Variants in ADAMTS12 observed in about 807,000 individuals in gnomAD.
ADAMTS12 encodes ADAM metallopeptidase with thrombospondin type 1 motif 12.
ADAMTS12 carries 118 observed loss-of-function variants against 167.8 expected under a neutral mutation model. That is an observed-to-expected ratio of 0.70 (90% CI 0.61 to 0.82). The LOEUF (loss-of-function observed/expected upper bound fraction) is 0.82. Ranked by LOEUF, ADAMTS12 falls within the 40% of genes least tolerant of loss-of-function variation. The pLI is 0.00. For synonymous variants in ADAMTS12, 704 were observed against 716.9 expected (o/e 0.98, Z 0.29); for missense variants, 1,916 against 1,998.8 (o/e 0.96, Z 0.79).
chr5:33,579,968 T>C (rs999482649), intron 18 of ADAMTS12, among the ~76,000 whole-genome samples: 35 of 152,200 alleles, frequency 2.3e-4, no homozygotes, highest in African/African-American at 8.4e-4. Context: ...CTTGGTGAGG[T>C]AGGTGCAGGC....
chr5:33,883,043 T>G (rs1750508566), intron 1 of ADAMTS12, among the ~76,000 whole-genome samples: 1 of 152,200 alleles, frequency 6.6e-6, no homozygotes, highest in Non-Finnish European at 1.5e-5. Flanking sequence ...TCAACTCAAA[T>G]CCTTCCTCTT....
At position 33,809,013 on chromosome 5, in the gene ADAMTS12, TC is replaced by T. The variant is rs59724819; in HGVS notation, c.490-57466del. ...CCCACATTTATCCATTTCTTTGCTT[TC>T]CACATCCCGCTTCTCTCCTATGGAT... On this transcript the variant is annotated intron_variant, in intron 2 of 23. Transcript: ENST00000504830. Among the ~76,000 whole-genome samples, 946 of 152,344 alleles carry T rather than the reference TC, an allele frequency of 6.2e-3. 10 individuals are homozygous for T. The highest frequency in any genetic ancestry group is 0.022 in the African/African-American group (902 of 41,566).
Position 33,763,521 on chromosome 5 carries a change from T to C in ADAMTS12, c.490-11973A>G, listed in dbSNP as rs547953230. Among the ~76,000 whole-genome samples, 6 of 152,356 alleles carry C rather than the reference T, an allele frequency of 3.9e-5. No individual in the cohort carries two copies. In the East Asian group the frequency reaches 1.2e-3, roughly 29 times the overall value. On this transcript the variant is annotated intron_variant, in intron 2 of 23. Coordinates refer to ENST00000504830, the MANE Select transcript of ADAMTS12 (RefSeq NM_030955.4). ...AAGAGAATAAATGTGTGTTGTTTTA[T>C]GTCACTTTGTGGTGATTTGTGAAAG... is the stretch of plus-strand genomic sequence containing the variant.
Position 33,781,684 on chromosome 5 carries a change from ACT to A in ADAMTS12, c.490-30138_490-30137del, listed in dbSNP as rs941488692. Among the ~76,000 whole-genome samples the A allele has an allele frequency of 3.4e-5, 5 of 149,168 alleles. No homozygotes were observed. The South Asian group carries it at 1.0e-3, about 31-fold the overall frequency. ...TGCATTCTTTCTTATCAACCTGTAA[ACT>A]CTTTTTTTTTTATTTTATTATTATT... On this transcript the variant is annotated intron_variant, in intron 2 of 23. Coordinates refer to ENST00000504830, the MANE Select transcript of ADAMTS12 (RefSeq NM_030955.4).
intron 4 of ADAMTS12, among the ~76,000 whole-genome samples, chr5:33,683,353 A>G (rs1243030004): frequency 2.0e-5 from 3 of 152,168 alleles, no homozygotes; most frequent in Non-Finnish European, 4.4e-5. Context: ...AACCCAGCCC[A>G]CAGTATTCTC....
chr5:33,836,991 T>C lies in ADAMTS12; in HGVS notation c.489+44128A>G, dbSNP rs575911785. Among the ~76,000 whole-genome samples the C allele has an allele frequency of 1.4e-4, 21 of 152,250 alleles. No individual in the cohort carries two copies. In the South Asian group the frequency reaches 4.1e-3, roughly 30 times the overall value. ...CCTGAACTCCTAGGCCCAAGCAATC[T>C]TCCTGCCTGGGCCTTCCAGATTGCT... On this transcript the variant is annotated intron_variant, in intron 2 of 23. Coordinates refer to ENST00000504830, the MANE Select transcript of ADAMTS12 (RefSeq NM_030955.4).
chr5:33,818,164 T>C (rs185519511), intron 2 of ADAMTS12, among the ~76,000 whole-genome samples: 228 of 152,114 alleles, frequency 1.5e-3, no homozygotes, highest in African/African-American at 4.7e-3. Flanking sequence ...CCTAATATTA[T>C]ATAATTTTAT....
intron 18 of ADAMTS12, among the ~76,000 whole-genome samples, chr5:33,577,882 T>A (rs564477969): frequency 3.5e-4 from 54 of 152,300 alleles, no homozygotes; most frequent in African/African-American, 1.3e-3. Context: ...CCCTCCACAT[T>A]CTGTATGCCA....
intron 2 of ADAMTS12, among the ~76,000 whole-genome samples, chr5:33,775,118 G>A (rs1216656132): frequency 6.6e-6 from 1 of 152,126 alleles, no homozygotes; most frequent in Non-Finnish European, 1.5e-5. Flanking sequence ...GGAACCACTG[G>A]AAGAGAAACA....
chr5:33,564,468 G>A (rs1459642267), intron 19 of ADAMTS12, among the ~76,000 whole-genome samples: 2 of 152,190 alleles, frequency 1.3e-5, no homozygotes, highest in Non-Finnish European at 2.9e-5. Flanking sequence ...TGTGAAATGA[G>A]GAGATATCAA....
intron 12 of ADAMTS12, among the ~76,000 whole-genome samples, chr5:33,636,477 A>T (rs550394945): frequency 7.3e-4 from 111 of 152,308 alleles, no homozygotes; most frequent in African/African-American, 2.6e-3. Context: ...TAGATCATAA[A>T]TGACACCAAA....
At chr5:33,623,709 G>A (rs1739440345) in intron 14 of ADAMTS12, among the ~76,000 whole-genome samples, 1 of 152,190 alleles carries the variant, frequency 6.6e-6, no homozygotes, top group African/African-American at 2.4e-5. Flanking sequence ...GGGAATAAAC[G>A]AGATTTGATG....
At chr5:33,620,534 T>C (rs998987350) in intron 14 of ADAMTS12, among the ~76,000 whole-genome samples, 1 of 152,262 alleles carries the variant, frequency 6.6e-6, no homozygotes, top group African/African-American at 2.4e-5. Context: ...ATTCTGGTAG[T>C]ACAGTATTAC....
Position 33,546,170 on chromosome 5 carries a change from C to T in ADAMTS12, c.4335G>A (p.Glu1445=), listed in dbSNP as rs1448365174. Residue 1445 remains glutamate (E), a synonymous_variant, in exon 22 of 24, where the codon GAG becomes GAA. Transcript: ENST00000504830. ...CSRSCGGGVQ[E]RGVFCPGGLC... is the part of the protein sequence containing the mutation. ...GGCCTCCTGGACAGAACACTCCTCTCTCCTGAACTCCACCTCCACAGGACC... is the reference window on the plus strand; with the variant it reads ...GGCCTCCTGGACAGAACACTCCTCTTTCCTGAACTCCACCTCCACAGGACC... 1.9e-6 allele frequency: 3 copies of T among 1,613,686 alleles called. No individual in the cohort carries two copies. Among genetic ancestry groups the T allele is most frequent in the African/African-American group, 1.3e-5 (1 of 74,892 alleles).
chr5:33,593,594 A>G (rs35496999), intron 17 of ADAMTS12, among the ~76,000 whole-genome samples: 26,339 of 152,076 alleles, frequency 0.17, 2,427 homozygotes, highest in South Asian at 0.27. Flanking sequence ...ACCAAATACC[A>G]TGTCATGTTC....
chr5:33,526,916 A>G lies in ADAMTS12; in HGVS notation c.*272T>C, dbSNP rs905075290. ...AATACAGTATTTCACAAATCTGTCT[A>G]ACCTGGCACCTTTCCCAGGAGCCGA... On this transcript the variant is annotated 3_prime_UTR_variant, in exon 24 of 24. Transcript: ENST00000504830. 1.2e-5 allele frequency: 5 copies of G among 427,338 alleles called. No homozygotes were observed. The South Asian group carries it at 2.0e-4, about 17-fold the overall frequency. 26.5% of individuals were successfully genotyped at this position (427,338 alleles called of 1,614,324 possible). A position where few individuals can be genotyped will look rare whatever the true frequency, so the allele number is the denominator to read the frequency against.
intron 2 of ADAMTS12, among the ~76,000 whole-genome samples, chr5:33,823,521 G>A (rs1747940886): frequency 6.6e-6 from 1 of 152,106 alleles, no homozygotes; most frequent in African/African-American, 2.4e-5. Flanking sequence ...TGGTCTTAGT[G>A]TCAGAAAAAA....
intron 5 of ADAMTS12, among the ~76,000 whole-genome samples, chr5:33,666,230 C>A (rs375830424): frequency 6.6e-6 from 1 of 152,216 alleles, no homozygotes. Flanking sequence ...AGTCCAGCGG[C>A]GCAGGGCCGG....
intron 18 of ADAMTS12, among the ~76,000 whole-genome samples, chr5:33,577,862 C>A (rs1012772422): frequency 2.0e-5 from 3 of 152,144 alleles, no homozygotes; most frequent in African/African-American, 7.2e-5. Context: ...AAGTGCCCCT[C>A]CCCAATGTTC....
Sources: gnomAD v4.1 joint callset for allele counts (sites outside exome capture counted in the v4.1 genomes callset) on GRCh38, gnomAD v4.1.1 for gene constraint, MANE v1.5 for transcripts, NCBI Gene and HGNC (gene_info 2026-07-23, HGNC 2026-07-21) for gene names.